Variants in RBMXL1 observed in about 807,000 individuals in gnomAD.
The protein encoded by RBMXL1 is RBMX like 1.
In RBMXL1, 18 loss-of-function variants were observed where a neutral mutation model predicts 29.0. That is an observed-to-expected ratio of 0.62 (90% confidence interval 0.43 to 0.92). The LOEUF (loss-of-function observed/expected upper bound fraction) is 0.92. Among genes scored for constraint, RBMXL1 ranks in the 40% least tolerant of loss-of-function variants. RBMXL1 has a pLI of 0.00. For missense variants in RBMXL1, 403 were observed against 495.8 expected (o/e 0.81, Z 1.78); for synonymous variants, 141 against 170.4 (o/e 0.83, Z 1.34).
chr1:88,988,229 A>T, intron 2 of RBMXL1, 23 bp downstream of exon 2: 1 of 1,486,010 alleles, frequency 6.7e-7, no homozygotes, highest in Non-Finnish European at 9.4e-7. Flanking sequence ...ACAATAATTT[A>T]TCTGTAAGTA....
At position 88,981,894 on chromosome 1, in the gene RBMXL1, C is replaced by T; in HGVS notation, c.*760G>A. 1.1e-6 allele frequency: 1 copy of T among 873,892 alleles called. No individual in the cohort carries two copies. The highest frequency in any genetic ancestry group is 1.8e-5 in the African/African-American group (1 of 54,678). 54.1% of individuals were successfully genotyped at this position (873,892 alleles called of 1,614,324 possible). A position where few individuals can be genotyped will look rare whatever the true frequency, so the allele number is the denominator to read the frequency against. The stretch of plus-strand genomic sequence containing the variant: ...TTTCTCCTTTGCAATCAAGCTGTTC[C>T]TTTAAAAGTGAGACATTAGAGTTGC... On this transcript the variant is annotated 3_prime_UTR_variant, in exon 3 of 3. Transcript: ENST00000652648.
chr1:88,982,963 A>T lies in RBMXL1; in HGVS notation c.864T>A (p.Tyr288Ter). The change falls in exon 3 of 3, where the codon TAT (tyrosine) becomes TAA (stop). Residue 288 changes from tyrosine to a stop codon, truncating the protein, a stop_gained. Coordinates refer to ENST00000652648, the MANE Select transcript of RBMXL1 (RefSeq NM_001162536.3). LOFTEE classifies it high-confidence loss of function. The part of the protein sequence containing the change: ...GGSYRDSYES[Y>*]GNSRSAPLTR... The stretch of plus-strand genomic sequence containing the variant: ...TAAGTGGAGCACTACGTGAGTTACC[A>T]TAACTCTCATATGAATCTCTGTAGG... 6.4e-7 allele frequency: 1 copy of T among 1,573,472 alleles called. No homozygotes were observed. The highest frequency in any genetic ancestry group is 8.7e-7 in the Non-Finnish European group (1 of 1,144,072).
At position 88,981,605 on chromosome 1, in the gene RBMXL1, A is replaced by G. The variant is rs1438380275; in HGVS notation, c.*1049T>C. 6.3e-6 allele frequency: 1 copy of G among 158,584 alleles called. No homozygotes were observed. The highest frequency in any genetic ancestry group is 2.4e-5 in the African/African-American group (1 of 41,532). 9.8% of individuals were successfully genotyped at this position (158,584 alleles called of 1,614,324 possible). ...TTGCCTGCACCAAACCAATTCTGAC[A>G]GCACTGCTTATGCAACTGCACTGAC... On this transcript the variant is annotated 3_prime_UTR_variant, in exon 3 of 3. Transcript: ENST00000652648.
chr1:88,988,756 G>A (rs1473570362), intron 1 of RBMXL1, among the ~76,000 whole-genome samples: 1 of 152,164 alleles, frequency 6.6e-6, no homozygotes, highest in Non-Finnish European at 1.5e-5. Flanking sequence ...ACTAGTAAAA[G>A]CATAGTTTGT....
intron 2 of RBMXL1, among the ~76,000 whole-genome samples, chr1:88,986,190 AAAAG>A (rs969612122): frequency 1.6e-4 from 24 of 149,228 alleles, no homozygotes; most frequent in Non-Finnish European, 2.8e-4. Flanking sequence ...TGAAAAAAAA[AAAAG>A]AGAGAGAGAG....
chr1:88,991,938 T>A (rs569935700), intron 1 of RBMXL1, among the ~76,000 whole-genome samples: 8 of 152,014 alleles, frequency 5.3e-5, no homozygotes, highest in African/African-American at 1.9e-4. Flanking sequence ...TGGATTCTGC[T>A]AAGCTTCATT....
chr1:88,984,911 T>C (rs2101090172), intron 2 of RBMXL1, among the ~76,000 whole-genome samples: 1 of 152,394 alleles, frequency 6.6e-6, no homozygotes, highest in African/African-American at 2.4e-5. Context: ...GCTTTTTGAC[T>C]TTCCATATGT....
Position 88,982,480 on chromosome 1 carries a change from T to C in RBMXL1, c.*174A>G. The C allele has an allele frequency of 8.9e-7, 1 of 1,119,976 alleles. No homozygotes were observed. Among genetic ancestry groups the C allele is most frequent in the Non-Finnish European group, 1.2e-6 (1 of 807,490 alleles). The allele number at this position is 1,119,976 out of a possible 1,614,324, so 69.4% of individuals were successfully genotyped here. On this transcript the variant is annotated 3_prime_UTR_variant, in exon 3 of 3. Coordinates refer to ENST00000652648, the MANE Select transcript of RBMXL1 (RefSeq NM_001162536.3). ...ATAAAGTCAAATAAAATTAAACATG[T>C]TTTACTTTTTTCCTCACAAGAACAT...
At chr1:88,984,783 C>G (rs1029817864) in intron 2 of RBMXL1, among the ~76,000 whole-genome samples, 14 of 152,220 alleles carry the variant, frequency 9.2e-5, no homozygotes, top group Non-Finnish European at 1.8e-4. Context: ...TAAATTGAAG[C>G]TAAGTGACAG....
At chr1:88,991,444 G>T (rs932426949) in intron 1 of RBMXL1, among the ~76,000 whole-genome samples, 8 of 152,202 alleles carry the variant, frequency 5.3e-5, no homozygotes, top group African/African-American at 1.9e-4. Flanking sequence ...TGTTACAAGA[G>T]TCCGACCACT....
In RBMXL1 at chr1:88,989,445, G is replaced by A. The variant is rs184181829; in HGVS notation, c.-340-1094C>T. ...TCAGTTTCTCCATTTTTCACAATAG[G>A]TGAATAAATTAATAAGGTTTGAGTT... On this transcript the variant is annotated intron_variant, in intron 1 of 2. Transcript: ENST00000652648. Among the ~76,000 whole-genome samples, 554 of 152,270 alleles carry A rather than the reference G, an allele frequency of 3.6e-3. 7 individuals are homozygous for A. Among genetic ancestry groups the A allele is most frequent in the African/African-American group, 0.013 (536 of 41,550 alleles).
rs1158780236 is a variant in RBMXL1, at chr1:88,979,956, C to G, written c.*2698G>C. 3 of 152,258 alleles carry G rather than the reference C, an allele frequency of 2.0e-5. No homozygotes were observed. The highest frequency in any genetic ancestry group is 7.2e-5 in the African/African-American group (3 of 41,556). The allele number at this position is 152,258 out of a possible 1,614,324, so 9.4% of individuals were successfully genotyped here. On this transcript the variant is annotated 3_prime_UTR_variant, in exon 3 of 3. Coordinates refer to ENST00000652648, the MANE Select transcript of RBMXL1 (RefSeq NM_001162536.3). ...AGGTGAGTAGAAAAACAAATAATGG[C>G]ATATTCACATAATGGGACACTACTC...
In RBMXL1 at chr1:88,983,731, T is replaced by C. The variant is rs534815847; in HGVS notation, c.96A>G (p.Gly32=). 1.2e-6 allele frequency: 2 copies of C among 1,614,074 alleles called. No homozygotes were observed. The highest frequency in any genetic ancestry group is 1.7e-6 in the Non-Finnish European group (2 of 1,179,926). The change falls in exon 3 of 3, where the codon GGA becomes GGG. Residue 32 remains glycine, a synonymous_variant. Coordinates refer to ENST00000652648, the MANE Select transcript of RBMXL1 (RefSeq NM_001162536.3). The part of the protein sequence containing the change: ...KALETVFGKY[G]RIVEVLLIKD... ...TTATCAAGAGTACTTCCACTATTCG[T>C]CCATATTTGCCAAATACTGTTTCAA...
intron 2 of RBMXL1, among the ~76,000 whole-genome samples, chr1:88,985,846 G>A (rs1306559325): frequency 6.6e-6 from 1 of 152,164 alleles, no homozygotes; most frequent in Non-Finnish European, 1.5e-5. Context: ...AGAGATATTG[G>A]GTATGGACTA....
At chr1:88,992,479 T>G (rs1570866406) in intron 1 of RBMXL1, 106 bp downstream of exon 1, 1 of 152,730 alleles carries the variant, frequency 6.5e-6, no homozygotes, top group East Asian at 1.9e-4. Flanking sequence ...CCGCAGCGAC[T>G]CCGGCAAGAG....
chr1:88,989,625 G>A (rs1453878790), intron 1 of RBMXL1, among the ~76,000 whole-genome samples: 1 of 152,146 alleles, frequency 6.6e-6, no homozygotes. Flanking sequence ...ATTGCATGAT[G>A]GAGGTAATGT....
Position 88,983,931 on chromosome 1 carries a change from TAG to T in RBMXL1, c.-107_-106del. The stretch of plus-strand genomic sequence containing the variant: ...CTCAGCACCAGTGGCGGCTGTCAGT[TAG>T]GAGGACTGAACCGCGAAGCCGCTAG... On this transcript the variant is annotated 5_prime_UTR_variant, in exon 3 of 3. Coordinates refer to ENST00000652648, the MANE Select transcript of RBMXL1 (RefSeq NM_001162536.3). The T allele has an allele frequency of 8.3e-7, 1 of 1,204,156 alleles. No individual in the cohort carries two copies. The highest frequency in any genetic ancestry group is 1.3e-5 in the South Asian group (1 of 78,476). The allele number at this position is 1,204,156 out of a possible 1,614,324, so 74.6% of individuals were successfully genotyped here. A position where few individuals can be genotyped will look rare whatever the true frequency, so the allele number is the denominator to read the frequency against.
intron 2 of RBMXL1, among the ~76,000 whole-genome samples, chr1:88,987,485 T>C (rs1056130383): frequency 6.6e-6 from 1 of 152,318 alleles, no homozygotes; most frequent in South Asian, 2.1e-4. Flanking sequence ...TTAGGTTGAA[T>C]ACAAAATTGT....
chr1:88,992,492 GCCCGACCTCCGTTCCCTCGC>G (rs945208925), intron 1 of RBMXL1, 73 bp downstream of exon 1: 5 of 152,808 alleles, frequency 3.3e-5, no homozygotes, highest in African/African-American at 1.2e-4. Flanking sequence ...GGCAAGAGGA[GCCCGACCTCCGTTCCCTCGC>G]CCCGTACGCC....
Sources: gnomAD v4.1 joint callset for allele counts (sites outside exome capture counted in the v4.1 genomes callset) on GRCh38, gnomAD v4.1.1 for gene constraint, MANE v1.5 for transcripts, NCBI Gene and HGNC (gene_info 2026-07-23, HGNC 2026-07-21) for gene names.